The following TUB variants were observed in gnomAD, a reference collection of about 807,000 sequenced individuals.
The protein encoded by TUB is TUB bipartite transcription factor.
In TUB, 33 loss-of-function variants were observed where a neutral mutation model predicts 59.7. That is an observed-to-expected ratio of 0.55 (90% CI 0.42 to 0.74). TUB has a LOEUF of 0.74. Among genes scored for constraint, TUB ranks in the 30% least tolerant of loss-of-function variants. The pLI, the probability that TUB is intolerant of heterozygous loss-of-function variation, is 0.00. For missense variants in TUB, 659 were observed against 672.0 expected (o/e 0.98, Z 0.21); for synonymous variants, 293 against 256.4 (o/e 1.14, Z -1.36).
At chr11:8,078,532 A>G (rs976732653), upstream of TUB, among the ~76,000 whole-genome samples, 1 of 152,132 alleles carries the variant, frequency 6.6e-6, no homozygotes, top group Non-Finnish European at 1.5e-5. Context: ...AAGGACGTAA[A>G]CTTAAAATGT....
At chr11:8,063,223 A>G (rs531858319) in intron 2 of TUB, among the ~76,000 whole-genome samples, 2 of 152,330 alleles carry the variant, frequency 1.3e-5, no homozygotes, top group Admixed American at 1.3e-4. Context: ...CTCCCTGGAG[A>G]TGAGCGCACA....
intron 1 of TUB, chr11:8,019,378 G>C: frequency 8.1e-7 from 1 of 1,241,410 alleles, no homozygotes. Flanking sequence ...CCGAAGGGTG[G>C]CCCTGCGTGA....
intron 2 of TUB, among the ~76,000 whole-genome samples, chr11:8,048,530 G>C (rs55810550): frequency 6.6e-6 from 1 of 151,872 alleles, no homozygotes. Flanking sequence ...ATCTACTGAG[G>C]ACCTGGAACT....
intron 4 of TUB, among the ~76,000 whole-genome samples, chr11:8,094,992 C>T (rs1413573966): frequency 2.6e-5 from 4 of 152,184 alleles, no homozygotes; most frequent in Admixed American, 6.5e-5. Flanking sequence ...GGGAGATGCT[C>T]CATTTGGGAA....
At chr11:8,069,439 A>G (rs1407315681) in intron 2 of TUB, 2 of 151,222 alleles carry the variant, frequency 1.3e-5, no homozygotes, top group African/African-American at 4.9e-5. Flanking sequence ...TTGTAGAGAA[A>G]TTAAGTTCTT....
intron 9 of TUB, among the ~76,000 whole-genome samples, 199 bp downstream of exon 9, chr11:8,099,074 C>A (rs548222747): frequency 1.4e-4 from 22 of 152,078 alleles, no homozygotes; most frequent in African/African-American, 5.3e-4. Flanking sequence ...ACACCACAGC[C>A]GGCCATCTGC....
intron 2 of TUB, among the ~76,000 whole-genome samples, chr11:8,050,838 CTT>C (rs1942923881): frequency 6.6e-6 from 1 of 152,178 alleles, no homozygotes; most frequent in Admixed American, 6.5e-5. Flanking sequence ...TTTCAATAAT[CTT>C]TTAACTTTTA....
chr11:8,063,356 A>G (rs1213516601), intron 2 of TUB, among the ~76,000 whole-genome samples: 1 of 152,262 alleles, frequency 6.6e-6, no homozygotes, highest in African/African-American at 2.4e-5. Flanking sequence ...AATGACCTTT[A>G]AAACCCTCAT....
chr11:8,059,885 G>C (rs897339514), intron 2 of TUB, among the ~76,000 whole-genome samples: 1 of 152,166 alleles, frequency 6.6e-6, no homozygotes, highest in African/African-American at 2.4e-5. Flanking sequence ...AGGAGGCTGG[G>C]GACATGTGAG....
chr11:8,098,991 A>G (rs1944133820), intron 9 of TUB, 116 bp downstream of exon 9: 1 of 795,788 alleles, frequency 1.3e-6, no homozygotes, highest in Non-Finnish European at 2.2e-6. Flanking sequence ...CTGTGTGGAG[A>G]GGGGCTGTCC....
chr11:8,090,127 C>G lies in TUB; in HGVS notation c.149C>G (p.Ala50Gly). 6.2e-7 allele frequency: 1 copy of G among 1,613,532 alleles called. No individual in the cohort carries two copies. The highest frequency in any genetic ancestry group is 1.1e-5 in the South Asian group (1 of 91,068). Reference sequence around the variant, plus strand: ...CGCCAGGAGCCCCTGATGGTGCAGGCCAATGCAGATGGGCGGCCCCGGAGC... The same window carrying G: ...CGCCAGGAGCCCCTGATGGTGCAGGGCAATGCAGATGGGCGGCCCCGGAGC... ...KKRQEPLMVQ[A>G]NADGRPRSRR... Residue 50 changes from alanine to glycine, a missense_variant, in exon 3 of 12, where the codon GCC becomes GGC. Transcript: ENST00000299506.
rs1564933706 is a variant in TUB at position 8,105,165 on chromosome 11, T to C, written c.*3546T>C. 6.6e-6 allele frequency: 1 copy of C among 152,232 alleles called. No homozygotes were observed. Among genetic ancestry groups the C allele is most frequent in the Admixed American group, 6.5e-5 (1 of 15,292 alleles). The allele number at this position is 152,232 out of a possible 1,614,324, so 9.4% of individuals were successfully genotyped here. A position where few individuals can be genotyped will look rare whatever the true frequency, so the allele number is the denominator to read the frequency against. ...CTAGATGGACTTCCTGGTTTTCTCT[T>C]ACTGCAGTAACACTGGCCTTCCCTT... On this transcript the variant is annotated 3_prime_UTR_variant, in exon 12 of 12. Coordinates refer to ENST00000299506, the MANE Select transcript of TUB (RefSeq NM_177972.3).
chr11:8,032,182 C>A (rs755088970), intron 1 of TUB, among the ~76,000 whole-genome samples: 1 of 151,868 alleles, frequency 6.6e-6, no homozygotes, highest in Non-Finnish European at 1.5e-5. Flanking sequence ...TGGGGGTCCA[C>A]AGTGGCCAAG....
rs1215121533 is a variant in TUB, at chr11:8,095,680, GA to G, written c.565+16del. ...GCAGAGGAAGGGTGAGCCCCATGGG[GA>G]CCCAGTGATACCCCCAAAACTCAGT... On this transcript the variant is annotated intron_variant, in intron 5 of 11. Coordinates refer to ENST00000299506, the MANE Select transcript of TUB (RefSeq NM_177972.3). 1.3e-6 allele frequency: 2 copies of G among 1,576,872 alleles called. No homozygotes were observed. The highest frequency in any genetic ancestry group is 1.7e-6 in the Non-Finnish European group (2 of 1,161,064).
At position 8,097,696 on chromosome 11, in the gene TUB, C is replaced by G; in HGVS notation, c.886-18C>G. ...CCAGAGGCTGAGTCTGGAATATGACCTCATTCCACTCCCCAAGGTGTTCCT... is the reference window on the plus strand; with the variant it reads ...CCAGAGGCTGAGTCTGGAATATGACGTCATTCCACTCCCCAAGGTGTTCCT... On this transcript the variant is annotated intron_variant, in intron 7 of 11. Transcript: ENST00000299506. 6.2e-7 allele frequency: 1 copy of G among 1,601,108 alleles called. No individual in the cohort carries two copies. The highest frequency in any genetic ancestry group is 2.2e-5 in the East Asian group (1 of 44,842).
At position 8,095,617 on chromosome 11, in the gene TUB, G is replaced by A. The variant is rs1294542296; in HGVS notation, c.517G>A (p.Gly173Ser). Residue 173 changes from glycine to serine, a missense_variant, in exon 5 of 12, where the codon GGC becomes AGC. By Grantham distance (56) the Gly-to-Ser change is moderately conservative (BLOSUM62 0). This residue lies in a region of TUB where 321 missense variants were observed against 304.3 expected (regional missense o/e 1.05). Transcript: ENST00000299506. The stretch of plus-strand genomic sequence containing the variant: ...CGCAGGGGAGACGGCAGCTGGTGGG[G>A]GCGAACGGCCCAGCGGGCAGGATCT... ...QDAGETAAGG[G>S]ERPSGQDLRA... 13 of 1,611,738 alleles carry A rather than the reference G, an allele frequency of 8.1e-6. No individual in the cohort carries two copies. Among genetic ancestry groups the A allele is most frequent in the Non-Finnish European group, 1.0e-5 (12 of 1,179,404 alleles).
At chr11:8,024,580 C>G (rs1942475766) in intron 1 of TUB, among the ~76,000 whole-genome samples, 1 of 152,192 alleles carries the variant, frequency 6.6e-6, no homozygotes, top group Admixed American at 6.5e-5. Flanking sequence ...CATTTCCACT[C>G]TACTTCAATC....
intron 9 of TUB, 26 bp downstream of exon 9, chr11:8,098,901 G>A (rs763181945): frequency 9.2e-6 from 14 of 1,518,064 alleles, no homozygotes; most frequent in Non-Finnish European, 1.1e-5. Context: ...GGGGGTCTCT[G>A]ATTTCCAAGG....
At chr11:8,053,995 G>T (rs1007434642) in intron 2 of TUB, among the ~76,000 whole-genome samples, 1 of 151,782 alleles carries the variant, frequency 6.6e-6, no homozygotes, top group East Asian at 2.0e-4. Flanking sequence ...GGGCCCTGTA[G>T]TCCCAGCTAC....
Sources: allele counts gnomAD v4.1 joint callset (sites outside exome capture counted in the v4.1 genomes callset), GRCh38; gene constraint gnomAD v4.1.1; regional missense constraint gnomAD v4.1.1; transcripts MANE v1.5; gene names NCBI Gene and HGNC (gene_info 2026-07-23, HGNC 2026-07-21).